MCPH1: variants seen among roughly 807,000 people sequenced by gnomAD.
The protein encoded by MCPH1 is microcephalin 1.
Under a neutral mutation model 84.5 loss-of-function variants are expected in MCPH1, and 104 were observed. That is an observed-to-expected ratio of 1.23 (90% CI 1.05 to 1.45). MCPH1 has a LOEUF of 1.45. Ranked by LOEUF, MCPH1 falls within the 40% of genes most tolerant of loss-of-function variation. MCPH1 has a pLI of 0.00. For synonymous variants in MCPH1, 514 were observed against 366.8 expected (o/e 1.40, Z -4.58); for missense variants, 1,498 against 1,005.7 (o/e 1.49, Z -6.62).
chr8:6,604,714 A>G (rs575225157), intron 12 of MCPH1, among the ~76,000 whole-genome samples: 18 of 152,366 alleles, frequency 1.2e-4, no homozygotes, highest in South Asian at 8.3e-4. Context: ...CATGTTGGCC[A>G]GACTGGTCTC....
chr8:6,502,178 T>C (rs892512447), intron 12 of MCPH1: 6 of 152,266 alleles, frequency 3.9e-5, no homozygotes, highest in Admixed American at 1.3e-4. Context: ...TAGAATGAAA[T>C]GTATAATTTT....
chr8:6,581,822 A>T (rs1827589187), intron 12 of MCPH1, among the ~76,000 whole-genome samples: 2 of 152,176 alleles, frequency 1.3e-5, no homozygotes, highest in South Asian at 4.1e-4. Flanking sequence ...ATCCAGGCAG[A>T]TTCCATGTCT....
intron 1 of MCPH1, chr8:6,407,056 C>T (rs554959807): frequency 8.7e-6 from 3 of 343,000 alleles, no homozygotes; most frequent in East Asian, 1.7e-4. Context: ...TGCTGCCTGT[C>T]CCCCAAATCC....
chr8:6,502,914 C>T (rs988140473), intron 12 of MCPH1: 7 of 627,084 alleles, frequency 1.1e-5, no homozygotes, highest in South Asian at 6.7e-5. Flanking sequence ...TTGCTTTGGT[C>T]CGTTAAGTGA....
intron 13 of MCPH1, chr8:6,625,328 A>G (rs532789316): frequency 3.0e-6 from 3 of 985,454 alleles, no homozygotes; most frequent in Non-Finnish European, 3.6e-6. Context: ...TGGCAGATTG[A>G]CGGTATCCAT....
In MCPH1 at chr8:6,461,416, C is replaced by G. The variant is rs550566165; in HGVS notation, c.1935+6164C>G. 4.6e-5 allele frequency among the ~76,000 whole-genome samples: 7 copies of G among 151,606 alleles called. No homozygotes were observed. The South Asian group carries it at 1.3e-3, about 27-fold the overall frequency. The stretch of plus-strand genomic sequence containing the variant: ...TCTTGGCTCACTGCAACCTCCACCC[C>G]ACCAGGTTCAAGTGATTCTTGTGTC... On this transcript the variant is annotated intron_variant, in intron 9 of 13. Coordinates refer to ENST00000344683, the MANE Select transcript of MCPH1 (RefSeq NM_024596.5).
chr8:6,498,820 C>G (rs1183056308), intron 11 of MCPH1, among the ~76,000 whole-genome samples: 2 of 151,954 alleles, frequency 1.3e-5, no homozygotes, highest in African/African-American at 4.8e-5. Flanking sequence ...AGGCTGAGGT[C>G]AGCAGATCAC....
chr8:6,445,794 T>G, intron 8 of MCPH1: 1 of 1,280,928 alleles, frequency 7.8e-7, no homozygotes, highest in Non-Finnish European at 9.8e-7. Flanking sequence ...TTTTCCTTCT[T>G]ATAGGTCAAA....
At chr8:6,444,077 T>G (rs530649060) in intron 7 of MCPH1, among the ~76,000 whole-genome samples, 2 of 152,308 alleles carry the variant, frequency 1.3e-5, no homozygotes, top group South Asian at 4.1e-4. Flanking sequence ...CCTGGAAAAT[T>G]TAGTGACAAA....
chr8:6,474,071 A>G, intron 9 of MCPH1: 1 of 792,334 alleles, frequency 1.3e-6, no homozygotes, highest in Non-Finnish European at 2.3e-6. Context: ...GTTGGCATCT[A>G]TTCTCAACAC....
At position 6,595,861 on chromosome 8, in the gene MCPH1, A is replaced by T. The variant is rs1477335456; in HGVS notation, c.2215-25593A>T. Among the ~76,000 whole-genome samples the T allele has an allele frequency of 2.0e-5, 3 of 152,224 alleles. No homozygotes were observed. In the East Asian group the frequency reaches 5.8e-4, roughly 29 times the overall value. On this transcript the variant is annotated intron_variant, in intron 12 of 13. Transcript: ENST00000344683. Reference sequence around the variant, plus strand: ...AATTGGGCAGGCAACGGCCCTTTACAGATGACGAAGCATCAGAAAAGTTAG... The same window carrying T: ...AATTGGGCAGGCAACGGCCCTTTACTGATGACGAAGCATCAGAAAAGTTAG...
chr8:6,474,061 G>A, intron 9 of MCPH1: 1 of 800,550 alleles, frequency 1.2e-6, no homozygotes, highest in East Asian at 2.4e-5. Context: ...CGTACAATAT[G>A]TTGGCATCTA....
At chr8:6,452,724 A>C (rs902449735) in intron 8 of MCPH1, among the ~76,000 whole-genome samples, 3 of 152,234 alleles carry the variant, frequency 2.0e-5, no homozygotes, top group Non-Finnish European at 4.4e-5. Context: ...GAAGACAGCA[A>C]GAAGGTAGCC....
rs534795931 is a variant in MCPH1 at position 6,449,490 on chromosome 8, A to G, written c.1825+3943A>G. Among the ~76,000 whole-genome samples, 24 of 152,248 alleles carry G rather than the reference A, an allele frequency of 1.6e-4. No homozygotes were observed. The South Asian group carries it at 3.5e-3, about 22-fold the overall frequency. On this transcript the variant is annotated intron_variant, in intron 8 of 13. Coordinates refer to ENST00000344683, the MANE Select transcript of MCPH1 (RefSeq NM_024596.5). ...TTCTACTAAAATTACAAAATTAGCC[A>G]GGCGTGGTGGCACATGCCTATAATC...
intron 12 of MCPH1, among the ~76,000 whole-genome samples, chr8:6,547,066 C>A (rs1822727808): frequency 6.6e-6 from 1 of 152,002 alleles, no homozygotes; most frequent in Admixed American, 6.6e-5. Flanking sequence ...ACCGTGGTTG[C>A]CTTCGGGCTA....
chr8:6,610,072 C>T (rs763188778), intron 12 of MCPH1, among the ~76,000 whole-genome samples: 4 of 152,204 alleles, frequency 2.6e-5, no homozygotes, highest in Non-Finnish European at 5.9e-5. Flanking sequence ...TGCCAAGAGC[C>T]GTAAGGACCC....
At chr8:6,518,288 A>G (rs1563331688) in intron 12 of MCPH1, among the ~76,000 whole-genome samples, 2 of 152,204 alleles carry the variant, frequency 1.3e-5, no homozygotes, top group Admixed American at 6.5e-5. Flanking sequence ...GTGACAGACA[A>G]TGGCATGCAC....
chr8:6,523,189 G>A (rs1299543867), intron 12 of MCPH1, among the ~76,000 whole-genome samples: 1 of 152,034 alleles, frequency 6.6e-6, no homozygotes, highest in Non-Finnish European at 1.5e-5. Context: ...AGTAGAGATG[G>A]GCTTTTACCG....
intron 12 of MCPH1, among the ~76,000 whole-genome samples, chr8:6,569,556 A>T (rs1826490422): frequency 6.6e-6 from 1 of 152,214 alleles, no homozygotes; most frequent in Non-Finnish European, 1.5e-5. Context: ...AAAGGAAGAA[A>T]AATATAAACA....
Sources: gnomAD v4.1 joint callset for allele counts (sites outside exome capture counted in the v4.1 genomes callset) on GRCh38, gnomAD v4.1.1 for gene constraint, MANE v1.5 for transcripts, NCBI Gene and HGNC (gene_info 2026-07-23, HGNC 2026-07-21) for gene names.